DCLRE1C: variants seen among roughly 807,000 people sequenced by gnomAD.
DCLRE1C encodes the protein DNA cross-link repair 1C, also known as protein artemis.
Under a neutral mutation model 61.4 loss-of-function variants are expected in DCLRE1C, and 47 were observed. The observed-to-expected ratio is 0.77, with a 90% confidence interval of 0.61 to 0.98. The LOEUF (loss-of-function observed/expected upper bound fraction) is 0.98, where lower values mean the gene tolerates loss of function less well. Ranked by LOEUF, DCLRE1C falls within the 50% of genes least tolerant of loss-of-function variation. The pLI is 0.00. For missense variants in DCLRE1C, 858 were observed against 816.0 expected, an observed-to-expected ratio of 1.05 and a Z score of -0.63; for synonymous variants, 337 against 287.6, an observed-to-expected ratio of 1.17 and a Z score of -1.74.
intron 1 of DCLRE1C, among the ~76,000 whole-genome samples, chr10:14,953,543 T>C (rs1842760480): frequency 6.6e-6 from 1 of 151,850 alleles, no homozygotes; most frequent in African/African-American, 2.4e-5. Flanking sequence ...GAGGGTGTGG[T>C]CAAATGGATC....
At chr10:14,913,671 T>TA (rs1835680588) in intron 13 of DCLRE1C, among the ~76,000 whole-genome samples, 1 of 152,116 alleles carries the variant, frequency 6.6e-6, no homozygotes, top group Admixed American at 6.6e-5. Flanking sequence ...AAAATTAAAA[T>TA]ACAAAAAACA....
chr10:14,920,901 T>G (rs1159980978), intron 12 of DCLRE1C, among the ~76,000 whole-genome samples: 1 of 151,804 alleles, frequency 6.6e-6, no homozygotes, highest in East Asian at 1.9e-4. Flanking sequence ...GAAAATCGCT[T>G]GAACCCAAGA....
At position 14,926,980 on chromosome 10, in the gene DCLRE1C, A is replaced by T. The variant is rs1027668858; in HGVS notation, c.918-83T>A. The T allele has an allele frequency of 1.2e-5, 14 of 1,189,760 alleles. No individual in the cohort carries two copies. In the Admixed American group the frequency reaches 1.8e-4, roughly 16 times the overall value. The allele number at this position is 1,189,760 out of a possible 1,614,324, so 73.7% of individuals were successfully genotyped here. On this transcript the variant is annotated intron_variant, in intron 10 of 13. Coordinates refer to ENST00000378278, the MANE Select transcript of DCLRE1C (RefSeq NM_001033855.3). ...AAAGCTGGCCCTTCTCATTTAGGCT[A>T]TTCTAGCATGAAACCACTCTAATGG... is the stretch of plus-strand genomic sequence containing the variant.
At chr10:14,932,270 C>T (rs963993145) in intron 9 of DCLRE1C, among the ~76,000 whole-genome samples, 1 of 151,948 alleles carries the variant, frequency 6.6e-6, no homozygotes, top group Non-Finnish European at 1.5e-5. Context: ...AAGTTATAAG[C>T]TATAATATAT....
chr10:14,907,638 A>G lies in DCLRE1C; in HGVS notation c.*770T>C, dbSNP rs1834528809. On this transcript the variant is annotated 3_prime_UTR_variant, in exon 14 of 14. Transcript: ENST00000378278. ...GTCTTCTTGGTGAACTAGACCTTTT[A>G]TCATTAGGAAACTGTCCATATAACC... Among the ~76,000 whole-genome samples the G allele has an allele frequency of 6.6e-6, 1 of 152,058 alleles. No individual in the cohort carries two copies. Among genetic ancestry groups the G allele is most frequent in the African/African-American group, 2.4e-5 (1 of 41,400 alleles).
At chr10:14,928,870 C>A (rs2130862882) in intron 9 of DCLRE1C, among the ~76,000 whole-genome samples, 1 of 151,488 alleles carries the variant, frequency 6.6e-6, no homozygotes, top group South Asian at 2.1e-4. Flanking sequence ...AAAACCTCTG[C>A]CTTCTGGGTT....
intron 8 of DCLRE1C, 57 bp downstream of exon 8, chr10:14,934,323 C>T: frequency 1.3e-6 from 2 of 1,561,820 alleles, no homozygotes; most frequent in Non-Finnish European, 1.7e-6. Flanking sequence ...GCAAGACTCC[C>T]TCTCAAAAAA....
Position 14,937,848 on chromosome 10 carries a change from C to T in DCLRE1C, c.307-1255G>A, listed in dbSNP as rs191634515. Among the ~76,000 whole-genome samples, 271 of 149,334 alleles carry T rather than the reference C, an allele frequency of 1.8e-3. 2 individuals are homozygous for T. The highest frequency in any genetic ancestry group is 7.0e-3 in the Middle Eastern group (2 of 286). ...GGTAGAGGTTGCAGTGAGCCAAGAT[C>T]GCCCTACTGCACTCCAGCCTGGGCG... On this transcript the variant is annotated intron_variant, in intron 4 of 13. Coordinates refer to ENST00000378278, the MANE Select transcript of DCLRE1C (RefSeq NM_001033855.3).
intron 1 of DCLRE1C, among the ~76,000 whole-genome samples, chr10:14,952,009 T>C (rs1000264838): frequency 4.6e-5 from 7 of 152,218 alleles, no homozygotes; most frequent in African/African-American, 1.7e-4. Flanking sequence ...CCTGGTTGAC[T>C]AAGCAGATCC....
chr10:14,909,100 C>A lies in DCLRE1C; in HGVS notation c.1387G>T (p.Val463Leu), dbSNP rs755774055. Reference sequence around the variant, plus strand: ...CCTTGCAGTGAAGCTGGGATTCCTACTTCTTCTTCACTTTCACTGTTGGAT... The same window carrying A: ...CCTTGCAGTGAAGCTGGGATTCCTAATTCTTCTTCACTTTCACTGTTGGAT... ...EESNSESEEEVGIPASLQGDL... is the reference protein window; with the variant it reads ...EESNSESEEELGIPASLQGDL... The change falls in exon 14 of 14, where the codon GTA becomes TTA. Residue 463 changes from valine (V) to leucine (L), a missense_variant. Val to Leu is a conservative substitution (Grantham distance 32). Transcript: ENST00000378278. 2 of 1,613,704 alleles carry A rather than the reference C, an allele frequency of 1.2e-6. No individual in the cohort carries two copies. Among genetic ancestry groups the A allele is most frequent in the Non-Finnish European group, 1.7e-6 (2 of 1,179,980 alleles).
chr10:14,919,365 A>T (rs1255425571), intron 13 of DCLRE1C, among the ~76,000 whole-genome samples: 3 of 152,210 alleles, frequency 2.0e-5, no homozygotes, highest in Non-Finnish European at 2.9e-5. Flanking sequence ...ATCAGCATTT[A>T]CTAGTATCTT....
downstream of DCLRE1C, chr10:14,904,417 G>A (rs1419656593): frequency 7.2e-6 from 1 of 139,630 alleles, no homozygotes; most frequent in Admixed American, 7.7e-5. Context: ...TAGTGTCAGT[G>A]TTAAGAAAAG....
Position 14,905,126 on chromosome 10 carries a change from T to A in DCLRE1C, c.*3282A>T, listed in dbSNP as rs1298933699. 6.6e-6 allele frequency among the ~76,000 whole-genome samples: 1 copy of A among 152,268 alleles called. No individual in the cohort carries two copies. The highest frequency in any genetic ancestry group is 1.5e-5 in the Non-Finnish European group (1 of 68,040). ...GGCAGAAAAATACTGATGTATTGACTACGTGCTAGCAAGATTAACCGAAGG... is the reference window on the plus strand; with the variant it reads ...GGCAGAAAAATACTGATGTATTGACAACGTGCTAGCAAGATTAACCGAAGG... On this transcript the variant is annotated 3_prime_UTR_variant, in exon 14 of 14. Coordinates refer to ENST00000378278, the MANE Select transcript of DCLRE1C (RefSeq NM_001033855.3).
Position 14,923,691 on chromosome 10 carries a change from C to T in DCLRE1C, c.973-622G>A, listed in dbSNP as rs192500525. 9.7e-5 allele frequency: 15 copies of T among 154,178 alleles called. No individual in the cohort carries two copies. In the East Asian group the frequency reaches 1.3e-3, roughly 14 times the overall value. The allele number at this position is 154,178 out of a possible 1,614,324, so 9.6% of individuals were successfully genotyped here. ...ATTTACTCCTACCAATAATCATTAA[C>T]GATGCCAAGAGAATTACACCTTTGA... is the stretch of plus-strand genomic sequence containing the variant. On this transcript the variant is annotated intron_variant, in intron 11 of 13. Transcript: ENST00000378278.
intron 3 of DCLRE1C, among the ~76,000 whole-genome samples, chr10:14,943,941 C>G (rs896619706): frequency 2.0e-5 from 3 of 152,116 alleles, no homozygotes; most frequent in African/African-American, 7.2e-5. Context: ...TATAATTGGA[C>G]TTTTTCTGCC....
chr10:14,951,389 C>CAAAAAAAAAAAAAAAAAAA (rs60272216), intron 1 of DCLRE1C, among the ~76,000 whole-genome samples: 1 of 46,036 alleles, frequency 2.2e-5, no homozygotes, highest in Non-Finnish European at 4.2e-5. Flanking sequence ...AACCCTGTCT[C>CAAAAAAAAAAAAAAAAAAA]AAAAAAAAAA....
At chr10:14,935,592 T>A (rs780560015) in intron 5 of DCLRE1C, 28 bp from the exon 6 acceptor site, 2 of 1,605,386 alleles carry the variant, frequency 1.2e-6, no homozygotes, top group Non-Finnish European at 1.7e-6. Flanking sequence ...CCCAGTGACT[T>A]CTGAGTCTCA....
intron 9 of DCLRE1C, among the ~76,000 whole-genome samples, chr10:14,928,772 G>A (rs1302190095): frequency 1.3e-5 from 2 of 150,358 alleles, no homozygotes; most frequent in Non-Finnish European, 3.0e-5. Flanking sequence ...AAATCCAAAC[G>A]AAGGGTGTAT....
At chr10:14,922,381 C>G (rs892901041) in intron 12 of DCLRE1C, among the ~76,000 whole-genome samples, 2 of 150,826 alleles carry the variant, frequency 1.3e-5, no homozygotes, top group Admixed American at 6.6e-5. Flanking sequence ...GTGGAGGTTG[C>G]AGTGAGCCGA....
Sources: gnomAD v4.1 joint callset for allele counts (sites outside exome capture counted in the v4.1 genomes callset) on GRCh38, gnomAD v4.1.1 for gene constraint, MANE v1.5 for transcripts, NCBI Gene and HGNC (gene_info 2026-07-23, HGNC 2026-07-21) for gene names.